Variants in BBS9 observed in about 807,000 individuals in gnomAD.
BBS9 encodes the protein protein PTHB1.
A neutral mutation model predicts 117.7 loss-of-function variants in BBS9; 89 were observed. The observed-to-expected ratio is 0.76, with a 90% CI of 0.64 to 0.90. BBS9 has a LOEUF of 0.90. Ranked by LOEUF, BBS9 falls within the 40% of genes least tolerant of loss-of-function variation. The pLI, the probability that BBS9 is intolerant of heterozygous loss-of-function variation, is 0.00. For synonymous variants in BBS9, 379 were observed against 370.9 expected (o/e 1.02, Z -0.25); for missense variants, 982 against 1,042.2 (o/e 0.94, Z 0.80).
intron 16 of BBS9, among the ~76,000 whole-genome samples, chr7:33,358,504 G>T (rs937105392): frequency 3.3e-5 from 5 of 151,782 alleles, no homozygotes; most frequent in African/African-American, 1.2e-4. Context: ...CTGTGCTTCT[G>T]GTTGTTTAGA....
chr7:33,540,485 C>T (rs964047248), intron 21 of BBS9, among the ~76,000 whole-genome samples: 1 of 152,070 alleles, frequency 6.6e-6, no homozygotes, highest in Non-Finnish European at 1.5e-5. Flanking sequence ...GATAACTATC[C>T]CTGCGTGTTA....
At chr7:33,585,225 G>C (rs985333821) in intron 21 of BBS9, among the ~76,000 whole-genome samples, 1 of 152,026 alleles carries the variant, frequency 6.6e-6, no homozygotes, top group African/African-American at 2.4e-5. Flanking sequence ...AGTTACTTCT[G>C]TGCTAATTCC....
At chr7:33,242,822 C>G (rs1017743435) in intron 5 of BBS9, 6 of 360,516 alleles carry the variant, frequency 1.7e-5, no homozygotes, top group Middle Eastern at 3.9e-4. Flanking sequence ...AATTTGGAAT[C>G]AGAAAGGAAT....
intron 4 of BBS9, among the ~76,000 whole-genome samples, chr7:33,164,483 C>G (rs1795353956): frequency 6.6e-6 from 1 of 152,176 alleles, no homozygotes. Flanking sequence ...TTGTAAGTCT[C>G]TAAAAACTTG....
rs552784097 is a variant in BBS9 at position 33,561,930 on chromosome 7, G to A, written c.2521+27754G>A. Among the ~76,000 whole-genome samples, 23 of 152,294 alleles carry A rather than the reference G, an allele frequency of 1.5e-4. No homozygotes were observed. The South Asian group carries it at 4.4e-3, about 29-fold the overall frequency. ...TGATTCAAAGATATTACATAGACAT[G>A]TTACCAACAATAGTCTTTTCTTTCT... On this transcript the variant is annotated intron_variant, in intron 21 of 22. Coordinates refer to ENST00000242067, the MANE Select transcript of BBS9 (RefSeq NM_198428.3).
At chr7:33,231,617 G>T (rs1284503934) in intron 5 of BBS9, among the ~76,000 whole-genome samples, 1 of 151,836 alleles carries the variant, frequency 6.6e-6, no homozygotes, top group Admixed American at 6.6e-5. Context: ...TTTCTGTGAA[G>T]AGTGTCATTT....
At chr7:33,166,292 C>A (rs1795669480) in intron 4 of BBS9, among the ~76,000 whole-genome samples, 2 of 152,200 alleles carry the variant, frequency 1.3e-5, no homozygotes, top group Admixed American at 1.3e-4. Flanking sequence ...GAGGTATCTC[C>A]CAGTTAGGCT....
chr7:33,363,617 A>G (rs754831510), intron 16 of BBS9, among the ~76,000 whole-genome samples: 12 of 151,940 alleles, frequency 7.9e-5, no homozygotes, highest in Non-Finnish European at 1.5e-4. Flanking sequence ...ATAATGTTGA[A>G]TAGAAATGGT....
intron 1 of BBS9, among the ~76,000 whole-genome samples, chr7:33,132,914 T>G (rs1789848377): frequency 6.6e-6 from 1 of 152,254 alleles, no homozygotes; most frequent in Admixed American, 6.5e-5. Flanking sequence ...TTTGCTATTG[T>G]TCTTTTTTTA....
chr7:33,262,253 C>T (rs1330533649), intron 6 of BBS9, among the ~76,000 whole-genome samples: 1 of 152,134 alleles, frequency 6.6e-6, no homozygotes, highest in Non-Finnish European at 1.5e-5. Context: ...GCTTTAGGGG[C>T]TCACTTATTT....
At chr7:33,430,344 C>T (rs907861533) in intron 19 of BBS9, among the ~76,000 whole-genome samples, 2 of 152,162 alleles carry the variant, frequency 1.3e-5, no homozygotes, top group African/African-American at 4.8e-5. Context: ...AAACATTTTT[C>T]TTATTTATTT....
At chr7:33,387,694 G>T (rs1019739545) in intron 18 of BBS9, among the ~76,000 whole-genome samples, 2 of 152,044 alleles carry the variant, frequency 1.3e-5, no homozygotes, top group Non-Finnish European at 2.9e-5. Context: ...TAAAGAATGA[G>T]AAAAGATTTC....
chr7:33,261,457 C>G (rs1797970438), intron 6 of BBS9, among the ~76,000 whole-genome samples: 1 of 152,130 alleles, frequency 6.6e-6, no homozygotes, highest in African/African-American at 2.4e-5. Context: ...AAAGGATTCT[C>G]CCCGGCATAG....
chr7:33,315,748 T>C (rs1810357226), intron 9 of BBS9, among the ~76,000 whole-genome samples: 1 of 152,200 alleles, frequency 6.6e-6, no homozygotes, highest in Admixed American at 6.5e-5. Flanking sequence ...GTTGGTGGTG[T>C]CATTTTATGT....
intron 5 of BBS9, among the ~76,000 whole-genome samples, chr7:33,236,433 C>T (rs1044534379): frequency 6.6e-6 from 1 of 150,998 alleles, no homozygotes; most frequent in African/African-American, 2.4e-5. Flanking sequence ...ATTGCTAATT[C>T]AGAATTTTAT....
chr7:33,414,920 G>A (rs539848844), intron 19 of BBS9, among the ~76,000 whole-genome samples: 4 of 152,092 alleles, frequency 2.6e-5, no homozygotes, highest in African/African-American at 9.6e-5. Flanking sequence ...ATAATAACTA[G>A]GGTAGTGGTT....
chr7:33,386,077 A>G (rs1825954250), intron 18 of BBS9, among the ~76,000 whole-genome samples: 2 of 152,196 alleles, frequency 1.3e-5, no homozygotes, highest in Non-Finnish European at 2.9e-5. Flanking sequence ...ACATGTATAC[A>G]TATGTAACAA....
intron 17 of BBS9, among the ~76,000 whole-genome samples, chr7:33,368,354 G>A (rs1193584222): frequency 6.6e-6 from 1 of 152,082 alleles, no homozygotes; most frequent in Non-Finnish European, 1.5e-5. Flanking sequence ...AGGCAGAAAG[G>A]TGTAGTAACT....
Position 33,263,996 on chromosome 7 carries a change from G to A in BBS9, c.618-294G>A, listed in dbSNP as rs1798387812. 1.3e-5 allele frequency among the ~76,000 whole-genome samples: 2 copies of A among 151,920 alleles called. 1 individual carries two copies. Among genetic ancestry groups the A allele is most frequent in the South Asian group, 4.2e-4 (2 of 4,818 alleles). On this transcript the variant is annotated intron_variant, in intron 6 of 22. Transcript: ENST00000242067. ...TGTTTAGGTGCTAGATCTTTCTTGA[G>A]CATTGTTACTTGTCACATAAAATTC...
Sources: allele counts gnomAD v4.1 joint callset (sites outside exome capture counted in the v4.1 genomes callset), GRCh38; gene constraint gnomAD v4.1.1; transcripts MANE v1.5; gene names NCBI Gene and HGNC (gene_info 2026-07-23, HGNC 2026-07-21).